The following HTR3E variants were observed in gnomAD, a reference collection of about 807,000 sequenced individuals.
HTR3E encodes 5-hydroxytryptamine receptor 3E, also known as 5-hydroxytryptamine (serotonin) receptor 3, family member E.
HTR3E carries 38 observed loss-of-function variants against 38.0 expected under a neutral mutation model. The observed-to-expected ratio is 1.00, with a 90% confidence interval of 0.77 to 1.31. The LOEUF is 1.31. Among genes scored for constraint, HTR3E ranks in the 50% most tolerant of loss-of-function variants. The pLI, the probability that HTR3E is intolerant of heterozygous loss-of-function variation, is 0.00. For missense variants in HTR3E, 547 were observed against 585.2 expected, an observed-to-expected ratio of 0.93 and a Z score of 0.67; for synonymous variants, 210 against 232.9, an observed-to-expected ratio of 0.90 and a Z score of 0.89.
chr3:184,100,068 G>A lies in HTR3E; in HGVS notation c.68-417G>A, dbSNP rs1711924194. 5 of 1,154,106 alleles carry A rather than the reference G, an allele frequency of 4.3e-6. No individual in the cohort carries two copies. In the East Asian group the frequency reaches 1.9e-4, roughly 43 times the overall value. The allele number at this position is 1,154,106 out of a possible 1,614,324, so 71.5% of individuals were successfully genotyped here. A position where few individuals can be genotyped will look rare whatever the true frequency, so the allele number is the denominator to read the frequency against. ...ATTCCAGCTCACCCCATCCTCCCGG[G>A]CCTCGGAAGGAAGAGCCCAGCGTCT... On this transcript the variant is annotated intron_variant, in intron 1 of 8. Transcript: ENST00000415389.
intron 1 of HTR3E, among the ~76,000 whole-genome samples, chr3:184,099,687 G>A (rs1239905634): frequency 7.7e-6 from 1 of 130,488 alleles, no homozygotes; most frequent in Non-Finnish European, 1.5e-5. Context: ...GCAGTCCGCA[G>A]TCCGGCCTGG....
At chr3:184,099,491 G>A (rs1711853375) in intron 1 of HTR3E, among the ~76,000 whole-genome samples, 1 of 151,764 alleles carries the variant, frequency 6.6e-6, no homozygotes, top group Non-Finnish European at 1.5e-5. Context: ...GAGGCGGGTG[G>A]ATCATGAAGT....
chr3:184,097,764 A>G (rs954100359), intron 1 of HTR3E, among the ~76,000 whole-genome samples, 168 bp downstream of exon 1: 6 of 152,228 alleles, frequency 3.9e-5, no homozygotes, highest in African/African-American at 1.4e-4. Context: ...CTTTTCTGAA[A>G]GACGGAAAAT....
At position 184,105,786 on chromosome 3, in the gene HTR3E, A is replaced by G. The variant is rs1300066460; in HGVS notation, c.742A>G (p.Ser248Gly). Residue 248 changes from serine to glycine, a missense_variant, in exon 7 of 9, where the codon AGT becomes GGT. By Grantham distance (56) the Ser-to-Gly change is moderately conservative. Transcript: ENST00000415389. Reference sequence around the variant, plus strand: ...CCAGGTGGCCATCAGGCGCAGGCCCAGTCTCTATGTCATAAACCTTCTCGT... The same window carrying G: ...CCAGGTGGCCATCAGGCGCAGGCCCGGTCTCTATGTCATAAACCTTCTCGT... ...VFYVAIRRRPSLYVINLLVPS... is the reference protein window; with the variant it reads ...VFYVAIRRRPGLYVINLLVPS... The G allele has an allele frequency of 6.2e-7, 1 of 1,614,146 alleles. No individual in the cohort carries two copies. Among genetic ancestry groups the G allele is most frequent in the South Asian group, 1.1e-5 (1 of 91,080 alleles).
intron 3 of HTR3E, 54 bp downstream of exon 3, chr3:184,101,583 A>G: frequency 7.2e-7 from 1 of 1,380,414 alleles, no homozygotes; most frequent in East Asian, 2.3e-5. Context: ...AGGATTTTAA[A>G]CGAAGATATA....
In HTR3E at chr3:184,105,459, T is replaced by G. The variant is rs769378460; in HGVS notation, c.720+32T>G. ...TTGGAGGCTCTTACTCTTTCCTTCC[T>G]CCCGCACTTTTACCCTTGCCTAGAA... On this transcript the variant is annotated intron_variant, in intron 6 of 8. Transcript: ENST00000415389. The G allele has an allele frequency of 1.5e-5, 23 of 1,572,298 alleles. No homozygotes were observed. In the Admixed American group the frequency reaches 4.3e-4, roughly 29 times the overall value.
At chr3:184,099,067 G>C (rs889691793) in intron 1 of HTR3E, among the ~76,000 whole-genome samples, 1 of 150,642 alleles carries the variant, frequency 6.6e-6, no homozygotes, top group African/African-American at 2.4e-5. Context: ...ATTTAAAAAA[G>C]AAATTAAAAA....
Position 184,106,249 on chromosome 3 carries a change from CCTGCTGCTCCA to C in HTR3E, c.1052_1062del (p.Leu351GlnfsTer16). On this transcript the variant is annotated frameshift_variant, in exon 8 of 9. Transcript: ENST00000415389. LOFTEE classifies it high-confidence loss of function. The surrounding 1 kb of genome is among the most constrained non-coding windows in gnomAD (Gnocchi z 4.1). ...CACCCCTGCCTCGGTGGCTCCACTC[CCTGCTGCTCCA>C]CTGCAACAGCCCGGGGAGATGCTGT... 6.2e-7 allele frequency: 1 copy of C among 1,613,028 alleles called. No homozygotes were observed. Among genetic ancestry groups the C allele is most frequent in the Non-Finnish European group, 8.5e-7 (1 of 1,180,008 alleles).
rs751123479 is a variant in HTR3E, at chr3:184,100,601, G to C, written c.184G>C (p.Val62Leu). 5.8e-5 allele frequency: 93 copies of C among 1,613,882 alleles called. No individual in the cohort carries two copies. Among genetic ancestry groups the C allele is most frequent in the Non-Finnish European group, 7.1e-5 (84 of 1,179,972 alleles). Residue 62 changes from valine to leucine, a missense_variant, in exon 2 of 9, where the codon GTC becomes CTC. Coordinates refer to ENST00000415389, the MANE Select transcript of HTR3E (RefSeq NM_001256613.2). ...CTTCCGTCCGGTCACCAACATCAGC[G>C]TCCCCACCCAAGTCAACATCTCCTT... ...KPFRPVTNIS[V>L]PTQVNISFAM...
Position 184,101,519 on chromosome 3 carries a change from G to T in HTR3E, c.269G>T (p.Trp90Leu). Residue 90 changes from tryptophan (W) to leucine (L), a missense_variant, in exon 3 of 9, where the codon TGG becomes TTG. Trp to Leu is a moderately conservative substitution (Grantham distance 61). Coordinates refer to ENST00000415389, the MANE Select transcript of HTR3E (RefSeq NM_001256613.2). ...EQLHLLSSFL[W>L]LEMVWDNPFI... is the part of the protein sequence containing the mutation. The stretch of plus-strand genomic sequence containing the variant: ...CTGCACCTCTTGTCATCATTCCTGT[G>T]GCTGGAAATGGTATGGACAACACTT... 1 of 1,612,850 alleles carries T rather than the reference G, an allele frequency of 6.2e-7. No homozygotes were observed. Among genetic ancestry groups the T allele is most frequent in the African/African-American group, 1.3e-5 (1 of 74,978 alleles).
chr3:184,099,182 C>T (rs907287850), intron 1 of HTR3E, among the ~76,000 whole-genome samples: 2 of 151,722 alleles, frequency 1.3e-5, no homozygotes, highest in African/African-American at 4.8e-5. Context: ...TCACTTGAGC[C>T]CCGGGGTTTG....
intron 1 of HTR3E, 98 bp from the exon 2 acceptor site, chr3:184,100,387 T>G (rs758172053): frequency 6.2e-7 from 1 of 1,613,866 alleles, no homozygotes; most frequent in South Asian, 1.1e-5. Flanking sequence ...TAGCTTTCAT[T>G]TTATCACGGG....
In HTR3E at chr3:184,097,173, A is replaced by C. The variant is rs1711706987; in HGVS notation, c.-357A>C. ...ACCATTCAACACATGTCTAATAAGA[A>C]AAATAGAGGAAGTGAAACATTTATA... On this transcript the variant is annotated 5_prime_UTR_variant, in exon 1 of 9. Transcript: ENST00000415389. The C allele has an allele frequency of 6.0e-6, 1 of 167,400 alleles. No individual in the cohort carries two copies. Among genetic ancestry groups the C allele is most frequent in the South Asian group, 1.8e-4 (1 of 5,588 alleles). 10.4% of individuals were successfully genotyped at this position (167,400 alleles called of 1,614,324 possible). A position where few individuals can be genotyped will look rare whatever the true frequency, so the allele number is the denominator to read the frequency against.
rs913272753 is a variant in HTR3E, at chr3:184,105,443, C to G, written c.720+16C>G. The G allele has an allele frequency of 6.3e-7, 1 of 1,584,398 alleles. No individual in the cohort carries two copies. Among genetic ancestry groups the G allele is most frequent in the South Asian group, 1.2e-5 (1 of 86,754 alleles). On this transcript the variant is annotated intron_variant, in intron 6 of 8. Coordinates refer to ENST00000415389, the MANE Select transcript of HTR3E (RefSeq NM_001256613.2). Reference sequence around the variant, plus strand: ...CGTGTTCTATGTGAGCTTGGAGGCTCTTACTCTTTCCTTCCTCCCGCACTT... The same window carrying G: ...CGTGTTCTATGTGAGCTTGGAGGCTGTTACTCTTTCCTTCCTCCCGCACTT...
In HTR3E at chr3:184,106,591, G is replaced by A; in HGVS notation, c.1269G>A (p.Leu423=). The A allele has an allele frequency of 6.2e-7, 1 of 1,614,208 alleles. No homozygotes were observed. The highest frequency in any genetic ancestry group is 1.1e-5 in the South Asian group (1 of 91,084). Residue 423 remains leucine (L), a synonymous_variant, in exon 9 of 9, where the codon CTG becomes CTA. Transcript: ENST00000415389. This position sits in a 1 kb window ranked among gnomAD's most constrained non-coding sequence, Gnocchi z 4.1. ...CCCAGAAGCAGCACTCAGTGGAGCT[G>A]TGGTTGCAGTTCAGCCACGCGATGG... is the stretch of plus-strand genomic sequence containing the variant. The part of the protein sequence containing the change: ...HEAQKQHSVE[L]WLQFSHAMDA...
chr3:184,102,861 G>T (rs1198532055), intron 3 of HTR3E, among the ~76,000 whole-genome samples: 1 of 151,238 alleles, frequency 6.6e-6, no homozygotes, highest in African/African-American at 2.4e-5. Context: ...GGAGACAGAG[G>T]TTGCAGTTGG....
At chr3:184,103,077 C>T (rs976966408) in intron 3 of HTR3E, among the ~76,000 whole-genome samples, 1 of 152,106 alleles carries the variant, frequency 6.6e-6, no homozygotes, top group Admixed American at 6.5e-5. Flanking sequence ...GGAATGTAGT[C>T]AAAGCATAAC....
chr3:184,103,400 C>T (rs947085517), intron 3 of HTR3E, among the ~76,000 whole-genome samples: 13 of 151,982 alleles, frequency 8.6e-5, no homozygotes, highest in African/African-American at 2.7e-4. Context: ...AAGGCCGAGG[C>T]GGGTGGATCA....
rs187970311 is a variant in HTR3E, at chr3:184,101,232, C to T, written c.235-253C>T. On this transcript the variant is annotated intron_variant, in intron 2 of 8. Transcript: ENST00000415389. ...CATTACAGGCATGAGCCACCGCGCC[C>T]GGCCACATCGATATTTTTAAGCTTC... 7.4e-3 allele frequency among the ~76,000 whole-genome samples: 1,123 copies of T among 152,294 alleles called. 9 individuals are homozygous for T. The highest frequency in any genetic ancestry group is 8.9e-3 in the Non-Finnish European group (606 of 68,026).
Sources: allele counts gnomAD v4.1 joint callset (sites outside exome capture counted in the v4.1 genomes callset), GRCh38; gene constraint gnomAD v4.1.1; non-coding constraint Gnocchi (gnomAD v3.1); transcripts MANE v1.5; gene names NCBI Gene and HGNC (gene_info 2026-07-23, HGNC 2026-07-21).